Variants in EFCAB11 observed in about 807,000 individuals in gnomAD.
EFCAB11 encodes EF-hand calcium binding domain 11, also known as EF-hand calcium-binding domain-containing protein 11.
Under a neutral mutation model 23.0 loss-of-function variants are expected in EFCAB11, and 14 were observed. The ratio of observed to expected loss-of-function variants is 0.61; its 90% CI spans 0.40 to 0.95. EFCAB11 has a LOEUF of 0.95. EFCAB11 is among the 40% of genes least tolerant of loss of function. EFCAB11 has a pLI of 0.00. For synonymous variants in EFCAB11, 65 were observed against 66.6 expected (o/e 0.98, Z 0.11); for missense variants, 198 against 195.8 (o/e 1.01, Z -0.07).
At chr14:89,891,406 T>C (rs1213914856) in intron 5 of EFCAB11, among the ~76,000 whole-genome samples, 1 of 152,212 alleles carries the variant, frequency 6.6e-6, no homozygotes, top group Non-Finnish European at 1.5e-5. Flanking sequence ...CTTTGTACTT[T>C]TAATTCATTA....
intron 5 of EFCAB11, among the ~76,000 whole-genome samples, chr14:89,906,652 T>C (rs931928106): frequency 3.9e-5 from 6 of 152,180 alleles, no homozygotes; most frequent in African/African-American, 1.4e-4. Context: ...AAAAATCCCT[T>C]TGAGATGAAA....
At chr14:89,950,175 AT>A in intron 2 of EFCAB11, 33 bp from the exon 3 acceptor site, 1 of 1,535,614 alleles carries the variant, frequency 6.5e-7, no homozygotes. Flanking sequence ...AGAACATGTA[AT>A]TTTATCACGT....
intron 3 of EFCAB11, among the ~76,000 whole-genome samples, chr14:89,949,490 G>A (rs138880443): frequency 6.6e-6 from 1 of 151,442 alleles, no homozygotes; most frequent in African/African-American, 2.4e-5. Flanking sequence ...TCAGTCTCCA[G>A]AGTAGCTGGG....
rs142419494 is a variant in EFCAB11 at position 89,862,758 on chromosome 14, T to C, written c.411-65434A>G. Among the ~76,000 whole-genome samples, 438 of 152,318 alleles carry C rather than the reference T, an allele frequency of 2.9e-3. 1 individual carries two copies. The highest frequency in any genetic ancestry group is 2.3e-3 in the Non-Finnish European group (157 of 68,024). On this transcript the variant is annotated intron_variant, in intron 5 of 5. Transcript: ENST00000316738. The stretch of plus-strand genomic sequence containing the variant: ...ATGTTAATGTATCATAGATAACAAC[T>C]CTGACTTACAAAATAACTGATGTCT...
At chr14:89,797,381 G>C in intron 5 of EFCAB11, 57 bp from the exon 6 acceptor site, 1 of 1,465,888 alleles carries the variant, frequency 6.8e-7, no homozygotes. Context: ...CCTATGCACC[G>C]AGAGCACATT....
At chr14:89,799,569 A>G (rs1885699209) in intron 5 of EFCAB11, 1 of 152,098 alleles carries the variant, frequency 6.6e-6, no homozygotes, top group African/African-American at 2.4e-5. Context: ...ACAGCATTCA[A>G]CCCTAACGTG....
At chr14:89,944,673 A>T (rs1194694146) in intron 3 of EFCAB11, among the ~76,000 whole-genome samples, 1 of 152,216 alleles carries the variant, frequency 6.6e-6, no homozygotes, top group Non-Finnish European at 1.5e-5. Flanking sequence ...CTAATGGAAC[A>T]TCAAACATTA....
intron 5 of EFCAB11, among the ~76,000 whole-genome samples, chr14:89,817,889 G>T (rs1318508045): frequency 6.6e-6 from 1 of 152,100 alleles, no homozygotes; most frequent in African/African-American, 2.4e-5. Context: ...AGCTACTCAG[G>T]ATGCTGTGGC....
At chr14:89,802,507 TCAG>T in intron 5 of EFCAB11, among the ~76,000 whole-genome samples, 1 of 152,184 alleles carries the variant, frequency 6.6e-6, no homozygotes, top group East Asian at 1.9e-4. Context: ...TTCTCCTGCC[TCAG>T]CCTCCCGAGT....
chr14:89,854,460 C>T lies in EFCAB11; in HGVS notation c.411-57136G>A, dbSNP rs1184881988. The stretch of plus-strand genomic sequence containing the variant: ...CAGCAGCAGAGATTCCCAACAAAGC[C>T]GCACACAGCCAAGAAAGTCCTCTGC... On this transcript the variant is annotated intron_variant, in intron 5 of 5. Transcript: ENST00000316738. Among the ~76,000 whole-genome samples, 6 of 152,198 alleles carry T rather than the reference C, an allele frequency of 3.9e-5. No individual in the cohort carries two copies. The East Asian group carries it at 7.7e-4, about 20-fold the overall frequency.
intron 5 of EFCAB11, among the ~76,000 whole-genome samples, chr14:89,864,956 TA>T (rs1566788850): frequency 1.3e-5 from 2 of 152,188 alleles, no homozygotes; most frequent in African/African-American, 4.8e-5. Context: ...CTCAGATTAT[TA>T]GATACTCCTG....
At chr14:89,933,285 C>T (rs117387090) in intron 3 of EFCAB11, among the ~76,000 whole-genome samples, 1,813 of 152,256 alleles carry the variant, frequency 0.012, 24 homozygotes, top group Non-Finnish European at 0.019. Context: ...TCTATTAAAA[C>T]GAATTCTAAT....
In EFCAB11 at chr14:89,859,623, C is replaced by T. The variant is rs867263222; in HGVS notation, c.411-62299G>A. On this transcript the variant is annotated intron_variant, in intron 5 of 5. Transcript: ENST00000316738. ...CAACACAGTCCATTTACTCTGTCAT[C>T]AAATATTTATGGAGCACCTGAGCTG... is the stretch of plus-strand genomic sequence containing the variant. Among the ~76,000 whole-genome samples the T allele has an allele frequency of 5.9e-5, 9 of 152,138 alleles. 1 individual carries two copies. The South Asian group carries it at 1.7e-3, about 28-fold the overall frequency.
intron 3 of EFCAB11, among the ~76,000 whole-genome samples, chr14:89,936,088 T>C (rs534780360): frequency 6.6e-6 from 1 of 152,222 alleles, no homozygotes; most frequent in South Asian, 2.1e-4. Flanking sequence ...TCTCTTTCTA[T>C]TCACATAGCC....
At chr14:89,924,694 A>T (rs1890134792) in intron 5 of EFCAB11, 1 of 1,535,646 alleles carries the variant, frequency 6.5e-7, no homozygotes, top group South Asian at 1.2e-5. Context: ...TAAAGCAAAA[A>T]GAGACCACCA....
At chr14:89,924,603 C>T (rs924608228) in intron 5 of EFCAB11, 86 of 1,534,102 alleles carry the variant, frequency 5.6e-5, no homozygotes, top group Middle Eastern at 1.7e-4. Context: ...GTGTTGATGG[C>T]AGGCAAAGTC....
chr14:89,881,732 G>A (rs1352710411), intron 5 of EFCAB11, among the ~76,000 whole-genome samples: 1 of 151,798 alleles, frequency 6.6e-6, no homozygotes, highest in African/African-American at 2.4e-5. Context: ...ACAGGCATGA[G>A]CCACTGTGCC....
chr14:89,929,741 A>G (rs1164425191), intron 5 of EFCAB11, among the ~76,000 whole-genome samples: 1 of 152,234 alleles, frequency 6.6e-6, no homozygotes, highest in Admixed American at 6.5e-5. Flanking sequence ...AATAGGTGAC[A>G]TTATGTTTTA....
intron 5 of EFCAB11, among the ~76,000 whole-genome samples, chr14:89,873,152 G>A (rs1255284470): frequency 2.0e-5 from 3 of 152,244 alleles, no homozygotes; most frequent in Non-Finnish European, 2.9e-5. Flanking sequence ...GGGAGGCCTC[G>A]TAATCATGGT....
Sources: allele counts gnomAD v4.1 joint callset (sites outside exome capture counted in the v4.1 genomes callset), GRCh38; gene constraint gnomAD v4.1.1; transcripts MANE v1.5; gene names NCBI Gene and HGNC (gene_info 2026-07-23, HGNC 2026-07-21).